Variants in FNDC1 observed in about 807,000 individuals in gnomAD.
The protein encoded by FNDC1 is fibronectin type III domain containing 1, also known as fibronectin type III domain-containing protein 1.
Under a neutral mutation model 168.0 loss-of-function variants are expected in FNDC1, and 96 were observed. The observed-to-expected ratio is 0.57, with a 90% CI of 0.48 to 0.68. The LOEUF (loss-of-function observed/expected upper bound fraction) is 0.68. FNDC1 is among the 30% of genes least tolerant of loss of function. The pLI, the probability that FNDC1 is intolerant of heterozygous loss-of-function variation, is 0.00. For synonymous variants in FNDC1, 1,099 were observed against 1,025.9 expected, an observed-to-expected ratio of 1.07 and a Z score of -1.36; for missense variants, 2,587 against 2,482.1, an observed-to-expected ratio of 1.04 and a Z score of -0.90.
At chr6:159,194,815 C>T (rs966842939) in intron 1 of FNDC1, among the ~76,000 whole-genome samples, 1 of 152,052 alleles carries the variant, frequency 6.6e-6, no homozygotes, top group Non-Finnish European at 1.5e-5. Context: ...TGAGGCACTG[C>T]GGGTGAGAGG....
chr6:159,263,445 C>T (rs952610695), intron 19 of FNDC1, among the ~76,000 whole-genome samples: 2 of 152,224 alleles, frequency 1.3e-5, no homozygotes, highest in Middle Eastern at 6.8e-3. Flanking sequence ...TCCAGATTTA[C>T]CTAGTTCGTG....
chr6:159,228,420 TA>T (rs1219876133), intron 9 of FNDC1, among the ~76,000 whole-genome samples: 2 of 152,236 alleles, frequency 1.3e-5, no homozygotes, highest in Non-Finnish European at 2.9e-5. Flanking sequence ...CACAAATTTT[TA>T]TAGACAATGG....
chr6:159,262,432 CTGTT>C (rs1398671949), intron 19 of FNDC1, among the ~76,000 whole-genome samples: 2 of 152,158 alleles, frequency 1.3e-5, no homozygotes, highest in African/African-American at 2.4e-5. Context: ...ATGTTTTCAT[CTGTT>C]TGTTTAAGAA....
rs1287516173 is a variant in FNDC1, at chr6:159,233,682, C to T, written c.3170C>T (p.Thr1057Met). Residue 1057 changes from threonine (T) to methionine (M), a missense_variant, in exon 11 of 23, where the codon ACG becomes ATG. Transcript: ENST00000297267. This position sits in a 1 kb window ranked among gnomAD's most constrained non-coding sequence, Gnocchi z 4.6. ...TCCCACTCCTCCTCGGACCCTTACA[C>T]GGCGAGCTCCAGAGGGATGCTCCCC... Reference protein sequence around the residue: ...GRSHSSSDPYTASSRGMLPTA... With the variant: ...GRSHSSSDPYMASSRGMLPTA... 5.2e-6 allele frequency: 8 copies of T among 1,549,520 alleles called. No homozygotes were observed. In the East Asian group the frequency reaches 9.8e-5, roughly 19 times the overall value.
At chr6:159,261,106 G>C in intron 18 of FNDC1, 84 bp from the exon 19 acceptor site, 1 of 979,132 alleles carries the variant, frequency 1.0e-6, no homozygotes, top group South Asian at 1.4e-5. Flanking sequence ...TCACGGTTCA[G>C]GTGTTCAGTA....
chr6:159,212,352 G>A (rs1340131381), intron 4 of FNDC1, among the ~76,000 whole-genome samples: 3 of 152,190 alleles, frequency 2.0e-5, no homozygotes, highest in African/African-American at 4.8e-5. Context: ...CTTTGGTGAG[G>A]CTATCACATA....
intron 12 of FNDC1, among the ~76,000 whole-genome samples, chr6:159,237,703 A>G (rs1783295711): frequency 6.6e-6 from 1 of 152,256 alleles, no homozygotes. Context: ...GAAACAGAAA[A>G]TAAACATTCT....
At chr6:159,200,654 T>TCA in intron 4 of FNDC1, 73 bp downstream of exon 4, 1 of 1,215,006 alleles carries the variant, frequency 8.2e-7, no homozygotes. Flanking sequence ...TGTGCTTCCG[T>TCA]CACACACATG....
intron 22 of FNDC1, 22 bp from the exon 23 acceptor site, chr6:159,271,305 C>G (rs1469258812): frequency 5.1e-6 from 8 of 1,559,664 alleles, no homozygotes; most frequent in African/African-American, 2.7e-5. Context: ...GACGCTTTTC[C>G]CCTCTCCTGT....
At chr6:159,264,266 A>G (rs436126) in intron 19 of FNDC1, among the ~76,000 whole-genome samples, 96,625 of 152,078 alleles carry the variant, frequency 0.64, 32,191 homozygotes, top group Middle Eastern at 0.76. Context: ...TTATAGGCAA[A>G]CATTCATCTG....
chr6:159,198,765 T>C (rs1465350127), intron 2 of FNDC1, among the ~76,000 whole-genome samples: 2 of 152,242 alleles, frequency 1.3e-5, no homozygotes, highest in Admixed American at 1.3e-4. Context: ...TGTATGGGTA[T>C]CAAACACATG....
In FNDC1 at chr6:159,234,211, C is replaced by T. The variant is rs1473812110; in HGVS notation, c.3699C>T (p.Arg1233=). The T allele has an allele frequency of 3.8e-6, 6 of 1,595,704 alleles. No individual in the cohort carries two copies. The highest frequency in any genetic ancestry group is 5.1e-6 in the Non-Finnish European group (6 of 1,171,070). Residue 1233 remains arginine (R), a synonymous_variant, in exon 11 of 23, where the codon CGC becomes CGT. Coordinates refer to ENST00000297267, the MANE Select transcript of FNDC1 (RefSeq NM_032532.3). ...EREPAIALAP[R]GGSLAPVKRP... ...AGCCTGCCATCGCGCTTGCCCCTCG[C>T]GGAGGGAGCCTGGCTCCTGTGAAGC...
intron 17 of FNDC1, among the ~76,000 whole-genome samples, chr6:159,252,105 G>A (rs777900797): frequency 2.6e-5 from 4 of 152,156 alleles, no homozygotes; most frequent in Non-Finnish European, 4.4e-5. Flanking sequence ...AGGATCTTGA[G>A]CCTCCTTGGC....
chr6:159,190,975 C>T (rs1013677750), intron 1 of FNDC1, among the ~76,000 whole-genome samples: 20 of 152,278 alleles, frequency 1.3e-4, no homozygotes, highest in Middle Eastern at 6.8e-3. Context: ...AATTGACTCA[C>T]GGTTCTTCAG....
Position 159,261,224 on chromosome 6 carries a change from G to A in FNDC1, c.5209G>A (p.Gly1737Ser), listed in dbSNP as rs1777477554. Reference sequence around the variant, plus strand: ...TAAAGTGCAAGCACAAAATCCTCATGGCTACGGACCTATCAGCCCTTCGGT... The same window carrying A: ...TAAAGTGCAAGCACAAAATCCTCATAGCTACGGACCTATCAGCCCTTCGGT... ...YFKVQAQNPH[G>S]YGPISPSVSF... The change falls in exon 19 of 23, where the codon GGC (glycine) becomes AGC (serine). Residue 1737 changes from glycine (G) to serine (S), a missense_variant. Transcript: ENST00000297267. 1 of 1,613,112 alleles carries A rather than the reference G, an allele frequency of 6.2e-7. No homozygotes were observed. The highest frequency in any genetic ancestry group is 8.5e-7 in the Non-Finnish European group (1 of 1,179,524).
At chr6:159,269,209 CTATCT>C (rs1562315622) in intron 22 of FNDC1, among the ~76,000 whole-genome samples, 1,987 of 111,770 alleles carry the variant, frequency 0.018, 151 homozygotes, top group East Asian at 0.051. Context: ...CTATTCATAT[CTATCT>C]ATCTATCTAT....
chr6:159,214,919 C>G (rs1289178623), intron 4 of FNDC1, 26 bp from the exon 5 acceptor site: 1 of 1,611,398 alleles, frequency 6.2e-7, no homozygotes, highest in Non-Finnish European at 8.5e-7. Flanking sequence ...ACTGTCTAAC[C>G]ACTTTTGTGT....
At chr6:159,263,007 AT>A (rs1583922279) in intron 19 of FNDC1, among the ~76,000 whole-genome samples, 1 of 152,276 alleles carries the variant, frequency 6.6e-6, no homozygotes, top group African/African-American at 2.4e-5. Flanking sequence ...GAATTATGGC[AT>A]TTGCCAAACA....
At chr6:159,182,143 A>G (rs1430800061) in intron 1 of FNDC1, among the ~76,000 whole-genome samples, 1 of 152,166 alleles carries the variant, frequency 6.6e-6, no homozygotes, top group Non-Finnish European at 1.5e-5. Context: ...TCATGACTGC[A>G]CTTTCAATGC....
Sources: gnomAD v4.1 joint callset for allele counts (sites outside exome capture counted in the v4.1 genomes callset) on GRCh38, gnomAD v4.1.1 for gene constraint, Gnocchi (gnomAD v3.1) non-coding constraint, MANE v1.5 for transcripts, NCBI Gene and HGNC (gene_info 2026-07-23, HGNC 2026-07-21) for gene names.